SGCZ: variants seen among roughly 807,000 people sequenced by gnomAD.
The protein encoded by SGCZ is zeta-sarcoglycan.
In SGCZ, 40 loss-of-function variants were observed where a neutral mutation model predicts 41.3. The ratio of observed to expected loss-of-function variants is 0.97; its 90% CI spans 0.75 to 1.26. The LOEUF is 1.26. Ranked by LOEUF, SGCZ falls within the 50% of genes most tolerant of loss-of-function variation. The pLI is 0.00. For synonymous variants in SGCZ, 206 were observed against 137.5 expected (o/e 1.50, Z -3.49); for missense variants, 552 against 369.8 (o/e 1.49, Z -4.04).
At chr8:14,739,456 G>C (rs971641374) in intron 1 of SGCZ, among the ~76,000 whole-genome samples, 1 of 151,972 alleles carries the variant, frequency 6.6e-6, no homozygotes, top group South Asian at 2.1e-4. Flanking sequence ...GTGGATTTAA[G>C]ATTAGTTATC....
intron 2 of SGCZ, among the ~76,000 whole-genome samples, chr8:14,327,108 T>C (rs375055510): frequency 1.3e-5 from 2 of 152,178 alleles, no homozygotes; most frequent in African/African-American, 4.8e-5. Context: ...GAATGGCAAA[T>C]GGTGATAAAC....
chr8:14,733,783 G>A (rs1798942893), intron 1 of SGCZ, among the ~76,000 whole-genome samples: 1 of 152,106 alleles, frequency 6.6e-6, no homozygotes, highest in Non-Finnish European at 1.5e-5. Context: ...ACAGACCTCA[G>A]GGTTAATTTT....
intron 7 of SGCZ, among the ~76,000 whole-genome samples, chr8:14,098,004 A>C (rs1050286040): frequency 1.3e-5 from 2 of 152,124 alleles, no homozygotes; most frequent in African/African-American, 4.8e-5. Context: ...AGCCATCTTC[A>C]CACCTTACTT....
At chr8:15,055,805 C>T (rs918615654) in intron 1 of SGCZ, among the ~76,000 whole-genome samples, 5 of 152,200 alleles carry the variant, frequency 3.3e-5, no homozygotes, top group Admixed American at 3.3e-4. Context: ...CCTTGAGGTG[C>T]ATTTTCATCC....
chr8:14,370,422 G>T (rs1803869648), intron 2 of SGCZ, among the ~76,000 whole-genome samples: 1 of 151,662 alleles, frequency 6.6e-6, no homozygotes, highest in South Asian at 2.1e-4. Flanking sequence ...GCACAACACG[G>T]TAATTTATTT....
At chr8:15,072,119 G>GTAC (rs1223839401) in intron 1 of SGCZ, among the ~76,000 whole-genome samples, 11 of 152,020 alleles carry the variant, frequency 7.2e-5, no homozygotes, top group Non-Finnish European at 1.2e-4. Context: ...TGCAGGTGAA[G>GTAC]TACTCTCCAT....
intron 2 of SGCZ, among the ~76,000 whole-genome samples, chr8:14,353,991 G>A (rs1158180269): frequency 6.6e-6 from 1 of 151,978 alleles, no homozygotes. Flanking sequence ...AGTAGACCCT[G>A]AATCTGAAAT....
At chr8:14,517,959 T>C (rs1423695385) in intron 2 of SGCZ, among the ~76,000 whole-genome samples, 1 of 151,896 alleles carries the variant, frequency 6.6e-6, no homozygotes, top group Non-Finnish European at 1.5e-5. Flanking sequence ...ATTTCTATGA[T>C]TTATTTGTTG....
At chr8:14,691,549 C>T (rs1321150531) in intron 1 of SGCZ, among the ~76,000 whole-genome samples, 1 of 151,904 alleles carries the variant, frequency 6.6e-6, no homozygotes, top group Non-Finnish European at 1.5e-5. Context: ...ATTTTGCAAT[C>T]ATAGGCACAT....
intron 1 of SGCZ, among the ~76,000 whole-genome samples, chr8:15,236,763 C>A (rs1802138626): frequency 1.3e-5 from 2 of 152,160 alleles, no homozygotes; most frequent in Non-Finnish European, 2.9e-5. Flanking sequence ...TCCGGGCAGG[C>A]CCTCACGGCC....
chr8:14,462,026 A>C (rs537314034), intron 2 of SGCZ, among the ~76,000 whole-genome samples: 1 of 152,192 alleles, frequency 6.6e-6, no homozygotes, highest in East Asian at 1.9e-4. Context: ...TAATTATTTA[A>C]TATATACAAC....
intron 1 of SGCZ, among the ~76,000 whole-genome samples, chr8:14,989,978 C>T (rs1294987170): frequency 1.3e-5 from 2 of 152,032 alleles, no homozygotes; most frequent in Non-Finnish European, 2.9e-5. Flanking sequence ...GGGAGGTACG[C>T]ATGACTGAGG....
chr8:14,702,822 T>C lies in SGCZ; in HGVS notation c.40-147896A>G, dbSNP rs553058096. Among the ~76,000 whole-genome samples the C allele has an allele frequency of 1.5e-3, 14 of 9,096 alleles. 1 individual carries two copies. Among genetic ancestry groups the C allele is most frequent in the African/African-American group, 4.4e-3 (13 of 2,978 alleles). The allele number at this position is 9,096 out of a possible 152,430, so 6.0% of individuals were successfully genotyped here. ...ACAGGTAGGTAGTTAGGTAGATAGA[T>C]AGATAGATAGATAGATAGATAGATA... On this transcript the variant is annotated intron_variant, in intron 1 of 7. Transcript: ENST00000382080.
chr8:14,087,753 A>G lies in SGCZ; in HGVS notation c.*2690T>C, dbSNP rs924465283. Reference sequence around the variant, plus strand: ...TGCTTTTTTGTGTTTGAATGTGGAAAACGAGGACATTTGGGGCCATTCTTC... The same window carrying G: ...TGCTTTTTTGTGTTTGAATGTGGAAGACGAGGACATTTGGGGCCATTCTTC... On this transcript the variant is annotated 3_prime_UTR_variant, in exon 8 of 8. Coordinates refer to ENST00000382080, the MANE Select transcript of SGCZ (RefSeq NM_139167.4). Among the ~76,000 whole-genome samples the G allele has an allele frequency of 1.3e-5, 2 of 151,732 alleles. No homozygotes were observed. Among genetic ancestry groups the G allele is most frequent in the African/African-American group, 4.8e-5 (2 of 41,398 alleles).
At chr8:14,810,781 G>T (rs890443440) in intron 1 of SGCZ, among the ~76,000 whole-genome samples, 2 of 151,872 alleles carry the variant, frequency 1.3e-5, no homozygotes, top group Admixed American at 6.6e-5. Context: ...ATAAATTCAG[G>T]TTTGTTTATT....
chr8:14,123,200 G>C (rs1004997297), intron 5 of SGCZ, among the ~76,000 whole-genome samples: 1 of 152,212 alleles, frequency 6.6e-6, no homozygotes, highest in African/African-American at 2.4e-5. Flanking sequence ...ATAAAGGGGT[G>C]ATGAGTAAAC....
intron 1 of SGCZ, among the ~76,000 whole-genome samples, chr8:15,045,277 T>C (rs1804261654): frequency 6.6e-6 from 1 of 152,026 alleles, no homozygotes; most frequent in African/African-American, 2.4e-5. Flanking sequence ...CAGAGACCTT[T>C]TACAGAGCTG....
chr8:15,210,632 T>C (rs765020135), intron 1 of SGCZ, among the ~76,000 whole-genome samples: 1 of 152,200 alleles, frequency 6.6e-6, no homozygotes, highest in Non-Finnish European at 1.5e-5. Flanking sequence ...TCTTCCTGAA[T>C]GACTTAAATA....
intron 2 of SGCZ, among the ~76,000 whole-genome samples, chr8:14,501,051 G>T (rs2219644): frequency 1.3e-5 from 2 of 151,978 alleles, no homozygotes; most frequent in Non-Finnish European, 2.9e-5. Context: ...TCCTCAATGG[G>T]TCAAAATCAA....
Sources: gnomAD v4.1 joint callset for allele counts (sites outside exome capture counted in the v4.1 genomes callset) on GRCh38, gnomAD v4.1.1 for gene constraint, MANE v1.5 for transcripts, NCBI Gene and HGNC (gene_info 2026-07-23, HGNC 2026-07-21) for gene names.